The following MED27 variants were observed in gnomAD, a reference collection of about 807,000 sequenced individuals.
MED27 encodes the protein mediator of RNA polymerase II transcription subunit 27.
In MED27, 30 loss-of-function variants were observed where a neutral mutation model predicts 38.2. That is an observed-to-expected ratio of 0.79 (90% CI 0.59 to 1.07). The LOEUF (loss-of-function observed/expected upper bound fraction) is 1.07, where lower values mean the gene tolerates loss of function less well. Among genes scored for constraint, MED27 ranks in the 50% least tolerant of loss-of-function variants. The pLI is 0.00. For synonymous variants in MED27, 122 were observed against 153.5 expected, an observed-to-expected ratio of 0.79 and a Z score of 1.52; for missense variants, 289 against 397.5, an observed-to-expected ratio of 0.73 and a Z score of 2.32.
intron 4 of MED27, among the ~76,000 whole-genome samples, chr9:131,908,008 G>C (rs1264343773): frequency 6.6e-6 from 1 of 151,300 alleles, no homozygotes; most frequent in African/African-American, 2.4e-5. Context: ...GAAGTGAGGA[G>C]CCCCTCCGCC....
At chr9:131,965,626 C>G (rs1020771574) in intron 3 of MED27, among the ~76,000 whole-genome samples, 1 of 152,160 alleles carries the variant, frequency 6.6e-6, no homozygotes, top group Admixed American at 6.5e-5. Flanking sequence ...TCAGAGCCAC[C>G]GGCTCTCTGG....
rs183934540 is a variant in MED27 at position 131,979,019 on chromosome 9, T to C, written c.479+35318A>G. Among the ~76,000 whole-genome samples, 951 of 152,348 alleles carry C rather than the reference T, an allele frequency of 6.2e-3. 20 individuals are homozygous for C. Among genetic ancestry groups the C allele is most frequent in the Admixed American group, 0.02 (308 of 15,312 alleles). On this transcript the variant is annotated intron_variant, in intron 3 of 7. Transcript: ENST00000292035. The stretch of plus-strand genomic sequence containing the variant: ...CTTTATGTAAAGAAATGAATTATCA[T>C]CTTTACATACATAAGATTAGCTACA...
At chr9:131,877,078 A>C (rs1440235057) in intron 6 of MED27, among the ~76,000 whole-genome samples, 1 of 152,230 alleles carries the variant, frequency 6.6e-6, no homozygotes, top group Non-Finnish European at 1.5e-5. Flanking sequence ...GGCAGCTCCC[A>C]GCTGTGGAGT....
At chr9:131,947,394 A>G (rs1481453198) in intron 3 of MED27, among the ~76,000 whole-genome samples, 1 of 152,246 alleles carries the variant, frequency 6.6e-6, no homozygotes, top group East Asian at 1.9e-4. Flanking sequence ...AACCTTCTAA[A>G]GAAACACACT....
In MED27 at chr9:131,997,710, A is replaced by G. The variant is rs1832122162; in HGVS notation, c.479+16627T>C. Among the ~76,000 whole-genome samples, 1 of 152,204 alleles carries G rather than the reference A, an allele frequency of 6.6e-6. No homozygotes were observed. The highest frequency in any genetic ancestry group is 6.5e-5 in the Admixed American group (1 of 15,284). On this transcript the variant is annotated intron_variant, in intron 3 of 7. Coordinates refer to ENST00000292035, the MANE Select transcript of MED27 (RefSeq NM_004269.4). The surrounding 1 kb of genome is among the most constrained non-coding windows in gnomAD (Gnocchi z 4.0). ...TACAGATTCCGGGTTCTCTGTGCCC[A>G]GGTTTGAATTCCAGTCCCAGCACTT...
At chr9:131,881,782 CCCTT>C (rs1052244645) in intron 6 of MED27, among the ~76,000 whole-genome samples, 3 of 140,692 alleles carry the variant, frequency 2.1e-5, no homozygotes, top group African/African-American at 5.1e-5. Flanking sequence ...TTCCCTCCCT[CCCTT>C]CCTTCTTCTT....
chr9:131,906,790 A>G (rs1830071261), intron 4 of MED27, among the ~76,000 whole-genome samples: 1 of 152,194 alleles, frequency 6.6e-6, no homozygotes, highest in South Asian at 2.1e-4. Flanking sequence ...GGAAAAAAAG[A>G]ATGGCTACTC....
intron 3 of MED27, among the ~76,000 whole-genome samples, chr9:132,009,323 T>C (rs1355123662): frequency 6.6e-6 from 1 of 152,230 alleles, no homozygotes; most frequent in Admixed American, 6.5e-5. Context: ...TTGACACGTC[T>C]TTCTTCAAAA....
intron 5 of MED27, among the ~76,000 whole-genome samples, chr9:131,892,010 A>G (rs1357281890): frequency 1.3e-5 from 2 of 152,134 alleles, no homozygotes; most frequent in African/African-American, 4.8e-5. Flanking sequence ...AGGGAAACTG[A>G]GTGTAGGGAG....
chr9:131,871,235 C>T (rs1838828576), intron 6 of MED27, among the ~76,000 whole-genome samples: 1 of 152,196 alleles, frequency 6.6e-6, no homozygotes, highest in African/African-American at 2.4e-5. Flanking sequence ...CCTACTCAGG[C>T]CCTCTCCTGC....
chr9:131,995,655 A>G (rs948771087), intron 3 of MED27, among the ~76,000 whole-genome samples: 6 of 152,114 alleles, frequency 3.9e-5, no homozygotes, highest in Admixed American at 1.3e-4. Context: ...TGGATCCCAC[A>G]TAATATTATA....
intron 2 of MED27, among the ~76,000 whole-genome samples, chr9:132,076,950 G>A (rs1367076494): frequency 6.6e-6 from 1 of 152,194 alleles, no homozygotes; most frequent in Non-Finnish European, 1.5e-5. Flanking sequence ...CCCTTAGGTG[G>A]CATCTAAGTA....
Position 131,913,065 on chromosome 9 carries a change from G to A in MED27, c.574-19073C>T, listed in dbSNP as rs1314283876. On this transcript the variant is annotated intron_variant, in intron 4 of 7. Coordinates refer to ENST00000292035, the MANE Select transcript of MED27 (RefSeq NM_004269.4). This position sits in a 1 kb window ranked among gnomAD's most constrained non-coding sequence, Gnocchi z 4.5. ...ATCAACAAAACAATCATTTGATAAC[G>A]CTTGTGTGAAGGAAGAAAATAGAAC... is the stretch of plus-strand genomic sequence containing the variant. Among the ~76,000 whole-genome samples, 4 of 152,200 alleles carry A rather than the reference G, an allele frequency of 2.6e-5. No homozygotes were observed. The highest frequency in any genetic ancestry group is 4.4e-5 in the Non-Finnish European group (3 of 68,044).
At chr9:131,950,814 A>G (rs931891167) in intron 3 of MED27, among the ~76,000 whole-genome samples, 4 of 152,300 alleles carry the variant, frequency 2.6e-5, no homozygotes, top group African/African-American at 9.6e-5. Flanking sequence ...CCTGCACATA[A>G]TGCATACTCA....
intron 3 of MED27, among the ~76,000 whole-genome samples, chr9:131,958,676 C>T (rs1242619948): frequency 2.6e-5 from 4 of 152,230 alleles, no homozygotes; most frequent in Non-Finnish European, 4.4e-5. Flanking sequence ...CATCAGCTCC[C>T]ACCGTGGTGC....
rs1259059432 is a variant in MED27 at position 131,860,318 on chromosome 9, C to T, written c.*220G>A. 6 of 489,984 alleles carry T rather than the reference C, an allele frequency of 1.2e-5. No homozygotes were observed. Among genetic ancestry groups the T allele is most frequent in the Admixed American group, 7.8e-5 (2 of 25,678 alleles). 30.4% of individuals were successfully genotyped at this position (489,984 alleles called of 1,614,324 possible). On this transcript the variant is annotated 3_prime_UTR_variant, in exon 8 of 8. Transcript: ENST00000292035. The surrounding 1 kb of genome is among the most constrained non-coding windows in gnomAD (Gnocchi z 5.8). ...TTCTACCAGGTTCTAGAAAGGTCTT[C>T]TTTGCCTTCAGTCCGCTGGCTAGTG...
At chr9:131,934,175 A>G (rs1830639862) in intron 4 of MED27, among the ~76,000 whole-genome samples, 1 of 152,236 alleles carries the variant, frequency 6.6e-6, no homozygotes, top group Admixed American at 6.5e-5. Flanking sequence ...TGAAACTATT[A>G]CAAGAAAATG....
At chr9:131,875,394 G>A (rs542687999) in intron 6 of MED27, among the ~76,000 whole-genome samples, 9 of 152,252 alleles carry the variant, frequency 5.9e-5, no homozygotes, top group Admixed American at 1.3e-4. Context: ...CTTTACACAC[G>A]ACAGCTGGGC....
chr9:132,005,760 TCA>T (rs1832344130), intron 3 of MED27, among the ~76,000 whole-genome samples: 1 of 152,148 alleles, frequency 6.6e-6, no homozygotes, highest in Non-Finnish European at 1.5e-5. Flanking sequence ...GTGGTATCCC[TCA>T]CCATTCCTGG....
Sources: allele counts gnomAD v4.1 joint callset (sites outside exome capture counted in the v4.1 genomes callset), GRCh38; gene constraint gnomAD v4.1.1; non-coding constraint Gnocchi (gnomAD v3.1); transcripts MANE v1.5; gene names NCBI Gene and HGNC (gene_info 2026-07-23, HGNC 2026-07-21).